RPLP2: variants seen among roughly 807,000 people sequenced by gnomAD.
RPLP2 encodes the protein large ribosomal subunit protein P2.
In RPLP2, 1 loss-of-function variant was observed where a neutral mutation model predicts 11.5. The observed-to-expected ratio is 0.09, with a 90% CI of 0.03 to 0.41. The LOEUF is 0.41. Ranked by LOEUF, RPLP2 falls within the 10% of genes least tolerant of loss-of-function variation. The pLI is 0.98. For synonymous variants in RPLP2, 82 were observed against 55.9 expected (o/e 1.47, Z -2.08); for missense variants, 177 against 145.6 (o/e 1.22, Z -1.11).
chr11:811,087 G>C (rs929814047), intron 2 of RPLP2, among the ~76,000 whole-genome samples: 1 of 151,244 alleles, frequency 6.6e-6, no homozygotes, highest in South Asian at 2.1e-4. Context: ...TGATGCGGGA[G>C]AATCATTTGA....
Position 812,378 on chromosome 11 carries a change from C to T in RPLP2, c.173-157C>T. The T allele has an allele frequency of 3.3e-6, 3 of 922,502 alleles. No individual in the cohort carries two copies. The South Asian group carries it at 4.8e-5, about 15-fold the overall frequency. The allele number at this position is 922,502 out of a possible 1,614,324, so 57.1% of individuals were successfully genotyped here. A position where few individuals can be genotyped will look rare whatever the true frequency, so the allele number is the denominator to read the frequency against. On this transcript the variant is annotated intron_variant, in intron 3 of 4. Coordinates refer to ENST00000321153, the MANE Select transcript of RPLP2 (RefSeq NM_001004.4). ...GAGAAGTCCCCGTTGAGGAGTGGCT[C>T]AGGGAGGGAGTGTTCAGGAAGAACG...
At chr11:811,991 T>C (rs990995728) in intron 3 of RPLP2, 11 of 476,634 alleles carry the variant, frequency 2.3e-5, no homozygotes, top group Non-Finnish European at 3.5e-5. Context: ...TGTGAGGGGG[T>C]TGGGGGCAGG....
In RPLP2 at chr11:812,544, A is replaced by G; in HGVS notation, c.182A>G (p.Lys61Arg). 6.2e-7 allele frequency: 1 copy of G among 1,609,416 alleles called. No homozygotes were observed. Among genetic ancestry groups the G allele is most frequent in the Non-Finnish European group, 8.5e-7 (1 of 1,179,840 alleles). ...IEDVIAQGIG[K>R]LASVPAGGAV... is the part of the protein sequence containing the mutation. Reference sequence around the variant, plus strand: ...TCTCTGCTTTCTGTAGGTATTGGCAAGCTTGCCAGTGTACCTGCTGGTGGG... The same window carrying G: ...TCTCTGCTTTCTGTAGGTATTGGCAGGCTTGCCAGTGTACCTGCTGGTGGG... Residue 61 changes from lysine (K) to arginine (R), a missense_variant, in exon 4 of 5, where the codon AAG becomes AGG. Transcript: ENST00000321153.
intron 3 of RPLP2, 70 bp downstream of exon 3, chr11:811,715 C>T: frequency 6.2e-7 from 1 of 1,602,224 alleles, no homozygotes; most frequent in Non-Finnish European, 8.6e-7. Flanking sequence ...CCATCTGTGG[C>T]CTGCCAGGTT....
In RPLP2 at chr11:810,488, G is replaced by A. The variant is rs117456038; in HGVS notation, c.123+131G>A. The A allele has an allele frequency of 4.1e-4, 367 of 902,762 alleles. 6 individuals are homozygous for A. The East Asian group carries it at 0.011, about 27-fold the overall frequency. 55.9% of individuals were successfully genotyped at this position (902,762 alleles called of 1,614,324 possible). On this transcript the variant is annotated intron_variant, in intron 2 of 4. Transcript: ENST00000321153. ...GTTTCAGTCTAGTTGGCGATTTCTT[G>A]GATAGAGAAGTAAGCCGGGCGGAGG...
At chr11:812,701 A>T (rs1176740606) in intron 4 of RPLP2, 59 bp from the exon 5 acceptor site, 4 of 1,612,968 alleles carry the variant, frequency 2.5e-6, no homozygotes, top group Non-Finnish European at 1.7e-6. Flanking sequence ...TGGGGTCTTC[A>T]TGGGGGGACT....
chr11:812,801 T>G lies in RPLP2; in HGVS notation c.313T>G (p.Ser105Ala). The G allele has an allele frequency of 6.2e-7, 1 of 1,613,474 alleles. No homozygotes were observed. The highest frequency in any genetic ancestry group is 8.5e-7 in the Non-Finnish European group (1 of 1,179,952). Residue 105 changes from serine to alanine, a missense_variant, in exon 5 of 5, where the codon TCA becomes GCA. By Grantham distance (99) the Ser-to-Ala change is moderately conservative (BLOSUM62 1). Transcript: ENST00000321153. ...KDEKKEESEE[S>A]DDDMGFGLFD ...TGAGAAGAAGGAGGAGTCTGAAGAG[T>G]CAGATGATGACATGGGATTTGGCCT...
Position 811,874 on chromosome 11 carries a change from C to T in RPLP2, c.172+229C>T, listed in dbSNP as rs1215655270. 9 of 751,770 alleles carry T rather than the reference C, an allele frequency of 1.2e-5. No individual in the cohort carries two copies. The African/African-American group carries it at 1.4e-4, about 11-fold the overall frequency. The allele number at this position is 751,770 out of a possible 1,614,324, so 46.6% of individuals were successfully genotyped here. ...TCAGCAGACGTTTAGGTGGCCCTGC[C>T]TCTTAAGCCTGACTGCTCCTAGCCC... On this transcript the variant is annotated intron_variant, in intron 3 of 4. Coordinates refer to ENST00000321153, the MANE Select transcript of RPLP2 (RefSeq NM_001004.4).
intron 2 of RPLP2, chr11:811,376 C>T (rs555894143): frequency 1.1e-4 from 65 of 593,428 alleles, no homozygotes; most frequent in South Asian, 1.0e-3. Flanking sequence ...GTGAGATGCC[C>T]TGTGTCCTTT....
chr11:812,296 C>T (rs1235366934), intron 3 of RPLP2: 2 of 565,504 alleles, frequency 3.5e-6, no homozygotes, highest in African/African-American at 1.9e-5. Context: ...ATTGGGCAGG[C>T]AGGCAGTGTG....
Position 810,276 on chromosome 11 carries a change from C to T in RPLP2, c.42C>T (p.Gly14=), listed in dbSNP as rs1383179760. The change falls in exon 2 of 5, where the codon GGC becomes GGT. Residue 14 remains glycine (G), a synonymous_variant. Transcript: ENST00000321153. ...CCTACCTGCTGGCTGCCCTAGGGGGCAACTCCTCCCCCAGCGCCAAGGACA... is the reference window on the plus strand; with the variant it reads ...CCTACCTGCTGGCTGCCCTAGGGGGTAACTCCTCCCCCAGCGCCAAGGACA... ...VASYLLAALG[G]NSSPSAKDIK... 3 of 1,607,094 alleles carry T rather than the reference C, an allele frequency of 1.9e-6. No individual in the cohort carries two copies. Among genetic ancestry groups the T allele is most frequent in the Admixed American group, 1.7e-5 (1 of 59,680 alleles).
rs898915448 is a variant in RPLP2, at chr11:809,982, C to T, written c.-59C>T. 11 of 398,738 alleles carry T rather than the reference C, an allele frequency of 2.8e-5. No homozygotes were observed. Among genetic ancestry groups the T allele is most frequent in the East Asian group, 2.5e-4 (6 of 23,902 alleles). The allele number at this position is 398,738 out of a possible 1,614,324, so 24.7% of individuals were successfully genotyped here. A position where few individuals can be genotyped will look rare whatever the true frequency, so the allele number is the denominator to read the frequency against. On this transcript the variant is annotated 5_prime_UTR_variant, in exon 1 of 5. Transcript: ENST00000321153. The stretch of plus-strand genomic sequence containing the variant: ...TCGGCGCCTTCCTTTTCCTCCCTGT[C>T]GCCACCGAGGTCGCACGCGTGAGAC...
intron 3 of RPLP2, chr11:812,174 G>A: frequency 5.0e-6 from 2 of 397,618 alleles, no homozygotes; most frequent in Non-Finnish European, 9.5e-6. Flanking sequence ...AACGGGCCAA[G>A]CCATGAACAC....
chr11:811,556 TCGTA>T, intron 2 of RPLP2, 37 bp from the exon 3 acceptor site: 9 of 1,613,618 alleles, frequency 5.6e-6, no homozygotes, highest in Non-Finnish European at 7.6e-6. Flanking sequence ...GGGGATACAA[TCGTA>T]CATTCCTGGT....
chr11:811,544 C>T, intron 2 of RPLP2, 53 bp from the exon 3 acceptor site: 5 of 1,609,536 alleles, frequency 3.1e-6, no homozygotes, highest in East Asian at 2.2e-5. Context: ...AGGGAGAGGG[C>T]CGGGGATACA....
rs753238870 is a variant in RPLP2 at position 810,373 on chromosome 11, G to T, written c.123+16G>T. On this transcript the variant is annotated intron_variant, in intron 2 of 4. Transcript: ENST00000321153. ...GCTCAACAAGGTAGCGGCCGCCCTT[G>T]CCCCGCAGCCGCCGTGGGGCCCCAG... 6 of 1,601,026 alleles carry T rather than the reference G, an allele frequency of 3.7e-6. No homozygotes were observed. The highest frequency in any genetic ancestry group is 3.4e-5 in the South Asian group (3 of 89,508).
intron 1 of RPLP2, 32 bp from the exon 2 acceptor site, chr11:810,202 C>T (rs752327022): frequency 4.1e-6 from 6 of 1,476,564 alleles, no homozygotes; most frequent in East Asian, 2.8e-5. Flanking sequence ...GCCGGGGTAA[C>T]TCCGCCGTCG....
In RPLP2 at chr11:812,622, C is replaced by T. The variant is rs757586394; in HGVS notation, c.260C>T (p.Ala87Val). 3.1e-6 allele frequency: 5 copies of T among 1,610,008 alleles called. No homozygotes were observed. In the Admixed American group the frequency reaches 5.0e-5, roughly 16 times the overall value. Residue 87 changes from alanine to valine, a missense_variant, in exon 4 of 5, where the codon GCC becomes GTC. By Grantham distance (64) the Ala-to-Val change is moderately conservative (BLOSUM62 0). Transcript: ENST00000321153. Reference protein sequence around the residue: ...PGSAAPAAGSAPAAAEEKKDE... With the variant: ...PGSAAPAAGSVPAAAEEKKDE... ...TCTGCAGCCCCTGCTGCTGGTTCTG[C>T]CCCTGCTGCAGGTAAGTGGTGGCCT...
At chr11:810,412 C>G in intron 2 of RPLP2, 55 bp downstream of exon 2, 1 of 1,540,218 alleles carries the variant, frequency 6.5e-7, no homozygotes, top group South Asian at 1.2e-5. Flanking sequence ...CCCATACAGG[C>G]GATTCTTCTG....
Sources: gnomAD v4.1 joint callset for allele counts (sites outside exome capture counted in the v4.1 genomes callset) on GRCh38, gnomAD v4.1.1 for gene constraint, MANE v1.5 for transcripts, NCBI Gene and HGNC (gene_info 2026-07-23, HGNC 2026-07-21) for gene names.